The following KCTD16 variants were observed in gnomAD, a reference collection of about 807,000 sequenced individuals.
The protein encoded by KCTD16 is potassium channel tetramerization domain containing 16.
KCTD16 carries 13 observed loss-of-function variants against 33.2 expected under a neutral mutation model. The ratio of observed to expected loss-of-function variants is 0.39; its 90% CI spans 0.25 to 0.62. The LOEUF (loss-of-function observed/expected upper bound fraction) is 0.62. Ranked by LOEUF, KCTD16 falls within the 20% of genes least tolerant of loss-of-function variation. KCTD16 has a pLI of 0.50. For synonymous variants in KCTD16, 197 were observed against 195.3 expected (o/e 1.01, Z -0.07); for missense variants, 441 against 525.1 (o/e 0.84, Z 1.57).
At chr5:144,279,090 A>G (rs1032040239) in intron 3 of KCTD16, among the ~76,000 whole-genome samples, 3 of 152,134 alleles carry the variant, frequency 2.0e-5, no homozygotes, top group Non-Finnish European at 2.9e-5. Context: ...TTGTTTTCCA[A>G]TTGGTTATTG....
intron 3 of KCTD16, among the ~76,000 whole-genome samples, chr5:144,254,908 C>T (rs1336572714): frequency 1.3e-5 from 2 of 152,108 alleles, no homozygotes; most frequent in African/African-American, 4.8e-5. Context: ...CACAGGTGTG[C>T]ATGCACTACC....
chr5:144,202,837 T>C (rs1305337709), intron 2 of KCTD16, among the ~76,000 whole-genome samples: 4 of 152,216 alleles, frequency 2.6e-5, no homozygotes, highest in Non-Finnish European at 4.4e-5. Flanking sequence ...ATTAAGGTTG[T>C]CTGGTGAATG....
chr5:144,225,587 TG>T (rs2126807990), intron 3 of KCTD16, among the ~76,000 whole-genome samples: 1 of 152,002 alleles, frequency 6.6e-6, no homozygotes, highest in Admixed American at 6.6e-5. Context: ...TGTGTGTGTG[TG>T]TGTGTGTGTC....
intron 3 of KCTD16, among the ~76,000 whole-genome samples, chr5:144,298,312 C>G (rs992295425): frequency 2.6e-5 from 4 of 152,126 alleles, no homozygotes; most frequent in Admixed American, 6.5e-5. Flanking sequence ...AAGGACCCCT[C>G]GGTAACACCA....
At chr5:144,220,825 C>G (rs1753724474) in intron 3 of KCTD16, among the ~76,000 whole-genome samples, 1 of 151,918 alleles carries the variant, frequency 6.6e-6, no homozygotes, top group Non-Finnish European at 1.5e-5. Flanking sequence ...CCTGTAGTCC[C>G]AGCTACCTGG....
chr5:144,451,162 A>G (rs1295898252), intron 3 of KCTD16, among the ~76,000 whole-genome samples: 1 of 152,046 alleles, frequency 6.6e-6, no homozygotes, highest in Non-Finnish European at 1.5e-5. Flanking sequence ...ATATTTTTTC[A>G]TCTGAATTGG....
intron 3 of KCTD16, among the ~76,000 whole-genome samples, chr5:144,403,447 T>G (rs1014062932): frequency 1.3e-5 from 2 of 148,652 alleles, no homozygotes; most frequent in Non-Finnish European, 3.0e-5. Context: ...GAGAGCAGCA[T>G]GTGACAACAG....
chr5:144,324,635 C>T lies in KCTD16; in HGVS notation c.832+117089C>T, dbSNP rs562594589. 4.6e-3 allele frequency among the ~76,000 whole-genome samples: 707 copies of T among 152,288 alleles called. 1 individual carries two copies. Among genetic ancestry groups the T allele is most frequent in the African/African-American group, 0.016 (679 of 41,564 alleles). On this transcript the variant is annotated intron_variant, in intron 3 of 3. Coordinates refer to ENST00000512467, the MANE Select transcript of KCTD16 (RefSeq NM_020768.4). Reference sequence around the variant, plus strand: ...AAAGATACATGCACTCGTATGTTCACTGCAGCACTATTCACAATAGCAAAG... The same window carrying T: ...AAAGATACATGCACTCGTATGTTCATTGCAGCACTATTCACAATAGCAAAG...
chr5:144,441,876 G>T (rs1580968179), intron 3 of KCTD16, among the ~76,000 whole-genome samples: 1 of 149,298 alleles, frequency 6.7e-6, no homozygotes. Context: ...AAAAAAATCT[G>T]GGATTTTTGT....
chr5:144,189,285 G>T (rs879359300), intron 2 of KCTD16, among the ~76,000 whole-genome samples: 15 of 152,088 alleles, frequency 9.9e-5, no homozygotes, highest in Non-Finnish European at 1.8e-4. Flanking sequence ...GAGGTCAGGA[G>T]ATTGAGACCA....
chr5:144,346,042 C>T (rs1752792198), intron 3 of KCTD16, among the ~76,000 whole-genome samples: 1 of 150,718 alleles, frequency 6.6e-6, no homozygotes, highest in South Asian at 2.1e-4. Context: ...TATTCTTCTA[C>T]TTTCTGTGTC....
chr5:144,310,697 G>C (rs780841712), intron 3 of KCTD16, among the ~76,000 whole-genome samples: 3 of 151,976 alleles, frequency 2.0e-5, no homozygotes, highest in Non-Finnish European at 4.4e-5. Context: ...ATACAGAGCT[G>C]TTCTATAAGC....
chr5:144,358,701 G>A (rs955839259), intron 3 of KCTD16, among the ~76,000 whole-genome samples: 2 of 152,158 alleles, frequency 1.3e-5, no homozygotes, highest in African/African-American at 4.8e-5. Context: ...GGGAGGATGG[G>A]AAGTCCAAGA....
Position 144,183,045 on chromosome 5 carries a change from TA to T in KCTD16, c.-327+8585del, listed in dbSNP as rs199836614. ...CACCTTAACTTTATGTAATGAAACA[TA>T]AAAAAAAAAAATAAAAGAGTGGGAG... On this transcript the variant is annotated intron_variant, in intron 2 of 3. Transcript: ENST00000512467. 3.0e-3 allele frequency among the ~76,000 whole-genome samples: 411 copies of T among 138,456 alleles called. 2 individuals carry two copies. Among genetic ancestry groups the T allele is most frequent in the African/African-American group, 7.4e-3 (280 of 38,020 alleles). 90.8% of individuals were successfully genotyped at this position (138,456 alleles called of 152,430 possible).
At chr5:144,335,967 T>G (rs1752480179) in intron 3 of KCTD16, among the ~76,000 whole-genome samples, 4 of 152,188 alleles carry the variant, frequency 2.6e-5, no homozygotes, top group Admixed American at 2.6e-4. Flanking sequence ...AATGCTTCAG[T>G]ACCCCTGTTG....
intron 3 of KCTD16, among the ~76,000 whole-genome samples, chr5:144,435,843 ATGTGTGTGTG>A (rs56722254): frequency 1.4e-5 from 2 of 144,126 alleles, no homozygotes; most frequent in Non-Finnish European, 1.6e-5. Flanking sequence ...GTGTGTGTGT[ATGTGTGTGTG>A]TGTGTAGTTT....
intron 3 of KCTD16, among the ~76,000 whole-genome samples, chr5:144,394,195 C>G (rs1752514880): frequency 6.6e-6 from 1 of 152,154 alleles, no homozygotes. Context: ...TACCTACTCA[C>G]TGGGTGTCCA....
intron 3 of KCTD16, among the ~76,000 whole-genome samples, chr5:144,331,919 A>G (rs1396286192): frequency 6.6e-6 from 1 of 152,220 alleles, no homozygotes; most frequent in Admixed American, 6.5e-5. Context: ...TTAGGGTTAA[A>G]TAATAATTCT....
At chr5:144,398,036 T>C (rs1195122484) in intron 3 of KCTD16, among the ~76,000 whole-genome samples, 1 of 152,202 alleles carries the variant, frequency 6.6e-6, no homozygotes, top group Non-Finnish European at 1.5e-5. Context: ...GTAGGTAAGC[T>C]GGCTTGATGA....
Sources: allele counts gnomAD v4.1 joint callset (sites outside exome capture counted in the v4.1 genomes callset), GRCh38; gene constraint gnomAD v4.1.1; transcripts MANE v1.5; gene names NCBI Gene and HGNC (gene_info 2026-07-23, HGNC 2026-07-21).